SCMH1: variants seen among roughly 807,000 people sequenced by gnomAD.
The protein encoded by SCMH1 is Scm polycomb group protein homolog 1, also known as polycomb protein SCMH1.
In SCMH1, 37 loss-of-function variants were observed where a neutral mutation model predicts 70.8. That is an observed-to-expected ratio of 0.52 (90% CI 0.40 to 0.69). The LOEUF (loss-of-function observed/expected upper bound fraction) is 0.69. Among genes scored for constraint, SCMH1 ranks in the 30% least tolerant of loss-of-function variants. The pLI is 0.00. For missense variants in SCMH1, 607 were observed against 827.3 expected (o/e 0.73, Z 3.27); for synonymous variants, 292 against 307.4 (o/e 0.95, Z 0.52).
exon 3 of SCMH1, chr1:41,161,374 G>A (rs1350592479): frequency 1.3e-6 from 2 of 1,550,306 alleles, no homozygotes; most frequent in Admixed American, 2.0e-5. Context: ...CTTGATATTG[G>A]GATGCAGACT....
In SCMH1 at chr1:41,117,014, C is replaced by A. The variant is rs1670630610; in HGVS notation, c.413-4G>T. 7 of 1,603,044 alleles carry A rather than the reference C, an allele frequency of 4.4e-6. No individual in the cohort carries two copies. The highest frequency in any genetic ancestry group is 6.0e-6 in the Non-Finnish European group (7 of 1,174,512). ...GAAGACGCATTCAGCCGAAATCCTG[C>A]AGCAAGCATAATGGGCAACAGATTA... On this transcript the variant is annotated splice_region_variant and splice_polypyrimidine_tract_variant and intron_variant, in intron 6 of 14. Transcript: ENST00000337495.
At chr1:41,242,174 G>A (rs1663737421), upstream of SCMH1, 1 of 146,726 alleles carries the variant, frequency 6.8e-6, no homozygotes, top group South Asian at 1.9e-4. This position sits in a 1 kb window ranked among gnomAD's most constrained non-coding sequence, Gnocchi z 5.2. Context: ...CGGGAGAGCG[G>A]CGGGCGGGCG....
intron 13 of SCMH1, among the ~76,000 whole-genome samples, chr1:41,035,574 T>C (rs1157425728): frequency 1.3e-5 from 2 of 152,184 alleles, no homozygotes; most frequent in Admixed American, 6.5e-5. Flanking sequence ...ACACACTCAA[T>C]CTTCCCTCCT....
chr1:41,094,302 T>C (rs1035830841), intron 8 of SCMH1, among the ~76,000 whole-genome samples: 9 of 152,192 alleles, frequency 5.9e-5, no homozygotes, highest in African/African-American at 2.2e-4. Context: ...ATTACTATAG[T>C]TGGTGCCTTG....
intron 1 of SCMH1, among the ~76,000 whole-genome samples, chr1:41,221,981 G>A (rs1467987899): frequency 1.4e-5 from 2 of 147,428 alleles, no homozygotes; most frequent in Non-Finnish European, 3.0e-5. Context: ...TCAGTGATAA[G>A]TCTTGAGAGA....
chr1:41,056,985 A>C (rs1428345496), intron 10 of SCMH1, among the ~76,000 whole-genome samples: 1 of 152,192 alleles, frequency 6.6e-6, no homozygotes, highest in Non-Finnish European at 1.5e-5. Flanking sequence ...AGCCTAAACT[A>C]TTAGGGATTT....
intron 5 of SCMH1, among the ~76,000 whole-genome samples, chr1:41,143,801 T>C (rs546229004): frequency 6.6e-6 from 1 of 152,328 alleles, no homozygotes; most frequent in Admixed American, 6.5e-5. Context: ...TCTATCACTG[T>C]AGATTGCTTT....
At chr1:41,089,592 G>A (rs1170370445) in intron 8 of SCMH1, among the ~76,000 whole-genome samples, 1 of 152,050 alleles carries the variant, frequency 6.6e-6, no homozygotes, top group East Asian at 1.9e-4. Context: ...AGCTACCAGA[G>A]TGAGCCTGTT....
At chr1:41,048,525 G>A (rs1647115684) in intron 11 of SCMH1, among the ~76,000 whole-genome samples, 165 bp downstream of exon 11, 1 of 152,158 alleles carries the variant, frequency 6.6e-6, no homozygotes, top group Admixed American at 6.5e-5. Context: ...TATGCATAAG[G>A]CTCAGAGGGG....
intron 1 of SCMH1, among the ~76,000 whole-genome samples, chr1:41,219,748 G>A (rs753671336): frequency 1.3e-5 from 2 of 152,082 alleles, no homozygotes; most frequent in Admixed American, 6.5e-5. Context: ...TGGCCAACAC[G>A]GCGAAACCGT....
intron 2 of SCMH1, among the ~76,000 whole-genome samples, chr1:41,176,214 G>A (rs61781834): frequency 3.4e-5 from 5 of 149,230 alleles, no homozygotes; most frequent in Non-Finnish European, 5.9e-5. Context: ...AAAAAAAAAG[G>A]AAAGAAAGAG....
At chr1:41,121,379 C>T (rs932925744) in intron 6 of SCMH1, among the ~76,000 whole-genome samples, 1 of 152,176 alleles carries the variant, frequency 6.6e-6, no homozygotes, top group Non-Finnish European at 1.5e-5. Context: ...ACATTAATAT[C>T]GTCAAATATT....
intron 6 of SCMH1, among the ~76,000 whole-genome samples, chr1:41,119,451 A>AC (rs1671366089): frequency 1.2e-5 from 1 of 81,258 alleles, no homozygotes; most frequent in Non-Finnish European, 2.3e-5. Context: ...AAAAAAAACA[A>AC]AAAAAAAAAA....
At chr1:41,138,520 T>C (rs1643718901) in intron 6 of SCMH1, among the ~76,000 whole-genome samples, 1 of 152,212 alleles carries the variant, frequency 6.6e-6, no homozygotes, top group Non-Finnish European at 1.5e-5. Context: ...TTTATTCTCT[T>C]GGCTTTTTAT....
At chr1:41,219,017 G>A (rs1004514527) in intron 1 of SCMH1, among the ~76,000 whole-genome samples, 7 of 152,242 alleles carry the variant, frequency 4.6e-5, no homozygotes, top group Admixed American at 1.3e-4. Context: ...TATGATTAGA[G>A]GGCTGGGGCT....
chr1:41,191,571 A>C (rs1013597540), intron 1 of SCMH1, among the ~76,000 whole-genome samples: 5 of 152,308 alleles, frequency 3.3e-5, no homozygotes, highest in Middle Eastern at 3.4e-3. Flanking sequence ...CTGCTGGTAT[A>C]AACATAGAAC....
intron 3 of SCMH1, 64 bp from the exon 4 acceptor site, chr1:41,160,962 T>C: frequency 1.4e-6 from 2 of 1,448,338 alleles, no homozygotes; most frequent in East Asian, 2.5e-5. Flanking sequence ...TGATGGAAGG[T>C]GAAATTCTGG....
chr1:41,187,852 G>C (rs1297171640), intron 1 of SCMH1, among the ~76,000 whole-genome samples: 1 of 151,624 alleles, frequency 6.6e-6, no homozygotes, highest in African/African-American at 2.4e-5. Context: ...AGGTGTGGTG[G>C]TGTGTGCACC....
chr1:41,054,461 T>C (rs1266028570), intron 10 of SCMH1, among the ~76,000 whole-genome samples: 1 of 152,078 alleles, frequency 6.6e-6, no homozygotes, highest in Non-Finnish European at 1.5e-5. Flanking sequence ...ATTTCCAGTC[T>C]CTCCATAAGG....
Sources: allele counts gnomAD v4.1 joint callset (sites outside exome capture counted in the v4.1 genomes callset), GRCh38; gene constraint gnomAD v4.1.1; non-coding constraint Gnocchi (gnomAD v3.1); transcripts MANE v1.5; gene names NCBI Gene and HGNC (gene_info 2026-07-23, HGNC 2026-07-21).